BARX2: variants seen among roughly 807,000 people sequenced by gnomAD.
The protein encoded by BARX2 is BARX homeobox 2.
A neutral mutation model predicts 25.5 loss-of-function variants in BARX2; 11 were observed. That is an observed-to-expected ratio of 0.43 (90% CI 0.27 to 0.71). BARX2 has a LOEUF of 0.71. Among genes scored for constraint, BARX2 ranks in the 30% least tolerant of loss-of-function variants. The probability of loss-of-function intolerance (pLI) is 0.19; values close to 1 mark genes in which losing one functional copy is unlikely to be tolerated. For synonymous variants in BARX2, 137 were observed against 149.5 expected (o/e 0.92, Z 0.61); for missense variants, 360 against 359.9 (o/e 1.00, Z 0.00).
intron 3 of BARX2, among the ~76,000 whole-genome samples, chr11:129,447,956 G>A (rs1862351008): frequency 6.6e-6 from 1 of 152,200 alleles, no homozygotes; most frequent in Non-Finnish European, 1.5e-5. Context: ...TGACTTACGT[G>A]AAAAGAAATA....
At chr11:129,392,134 G>T (rs1338453157) in intron 1 of BARX2, among the ~76,000 whole-genome samples, 1 of 152,206 alleles carries the variant, frequency 6.6e-6, no homozygotes, top group Non-Finnish European at 1.5e-5. Context: ...GGAACTGCCA[G>T]ACCTCTCAGG....
chr11:129,390,096 T>G lies in BARX2; in HGVS notation c.187+13874T>G, dbSNP rs952668322. On this transcript the variant is annotated intron_variant, in intron 1 of 3. Coordinates refer to ENST00000281437, the MANE Select transcript of BARX2 (RefSeq NM_003658.5). The surrounding 1 kb of genome is among the most constrained non-coding windows in gnomAD (Gnocchi z 4.3). ...TCTGCTGGTGAAATACTTTAATTGA[T>G]GAATCCCCTCCACGGTGTGAGAAGA... 2.0e-5 allele frequency among the ~76,000 whole-genome samples: 3 copies of G among 152,218 alleles called. No individual in the cohort carries two copies. The highest frequency in any genetic ancestry group is 7.2e-5 in the African/African-American group (3 of 41,466).
At chr11:129,419,962 G>A (rs1861986001) in intron 1 of BARX2, among the ~76,000 whole-genome samples, 1 of 151,922 alleles carries the variant, frequency 6.6e-6, no homozygotes, top group African/African-American at 2.4e-5. Context: ...TGCATTTTTA[G>A]TAGAAATGAG....
intron 1 of BARX2, among the ~76,000 whole-genome samples, chr11:129,422,503 C>T (rs1280986810): frequency 3.9e-5 from 6 of 151,920 alleles, no homozygotes; most frequent in African/African-American, 9.7e-5. Context: ...CTCACTATGT[C>T]GCCTAGGTTG....
chr11:129,436,678 G>A lies in BARX2; in HGVS notation c.188-73G>A, dbSNP rs773060099. ...CCCTGTCAGACAGACCTCAGCCAGC[G>A]GCCCTCCGCAGGTCCTGGCCTGCTT... On this transcript the variant is annotated intron_variant, in intron 1 of 3. Transcript: ENST00000281437. The surrounding 1 kb of genome is among the most constrained non-coding windows in gnomAD (Gnocchi z 4.5). The A allele has an allele frequency of 3.1e-4, 450 of 1,471,444 alleles. 3 individuals are homozygous for A. The highest frequency in any genetic ancestry group is 2.3e-4 in the South Asian group (17 of 72,756). The allele number at this position is 1,471,444 out of a possible 1,614,324, so 91.1% of individuals were successfully genotyped here.
intron 1 of BARX2, among the ~76,000 whole-genome samples, chr11:129,403,559 C>T (rs776450765): frequency 2.0e-5 from 3 of 152,110 alleles, no homozygotes; most frequent in African/African-American, 7.2e-5. Flanking sequence ...GTCCATTTTA[C>T]GTTTGCCATA....
At chr11:129,428,290 C>T (rs1298531281) in intron 1 of BARX2, among the ~76,000 whole-genome samples, 2 of 152,078 alleles carry the variant, frequency 1.3e-5, no homozygotes, top group Non-Finnish European at 2.9e-5. Context: ...GGCAGCTGTC[C>T]CCAGTCAACG....
chr11:129,430,099 T>C (rs1489446464), intron 1 of BARX2, among the ~76,000 whole-genome samples: 1 of 152,178 alleles, frequency 6.6e-6, no homozygotes, highest in African/African-American at 2.4e-5. Context: ...CCCAGTTGGC[T>C]GCTTTTCTGG....
At chr11:129,387,677 G>T (rs993541412) in intron 1 of BARX2, among the ~76,000 whole-genome samples, 4 of 152,172 alleles carry the variant, frequency 2.6e-5, no homozygotes, top group African/African-American at 9.7e-5. Context: ...TCAATCATCA[G>T]TTCAGAGCAA....
chr11:129,451,613 C>G lies in BARX2; in HGVS notation c.*211C>G. 1.6e-6 allele frequency: 1 copy of G among 619,416 alleles called. No homozygotes were observed. The highest frequency in any genetic ancestry group is 2.7e-6 in the Non-Finnish European group (1 of 366,320). The allele number at this position is 619,416 out of a possible 1,614,324, so 38.4% of individuals were successfully genotyped here. A position where few individuals can be genotyped will look rare whatever the true frequency, so the allele number is the denominator to read the frequency against. On this transcript the variant is annotated 3_prime_UTR_variant, in exon 4 of 4. Coordinates refer to ENST00000281437, the MANE Select transcript of BARX2 (RefSeq NM_003658.5). ...CTTGGGCCTGTCACCTCCTGAAAGG[C>G]TGCTTTAGCTGTGGATGCCCTTGAT... is the stretch of plus-strand genomic sequence containing the variant.
chr11:129,431,389 C>T (rs12577139), intron 1 of BARX2, among the ~76,000 whole-genome samples: 18,128 of 152,082 alleles, frequency 0.12, 1,120 homozygotes, highest in East Asian at 0.16. Context: ...CCAAAGAGGC[C>T]GTACCAGTTT....
chr11:129,381,000 C>A (rs566761347), intron 1 of BARX2, among the ~76,000 whole-genome samples: 11 of 152,260 alleles, frequency 7.2e-5, no homozygotes, highest in African/African-American at 2.6e-4. Context: ...TGGTCTCGAA[C>A]TCCTAATCTC....
intron 1 of BARX2, among the ~76,000 whole-genome samples, chr11:129,415,882 G>A (rs56387476): frequency 0.089 from 13,493 of 152,220 alleles, 1,612 homozygotes; most frequent in African/African-American, 0.26. Context: ...AGTCCCACCA[G>A]TTTTCCTCTG....
At chr11:129,392,598 T>A (rs931958627) in intron 1 of BARX2, among the ~76,000 whole-genome samples, 12 of 152,100 alleles carry the variant, frequency 7.9e-5, no homozygotes, top group African/African-American at 2.9e-4. Context: ...CTTATATGAA[T>A]TAACTTTTTT....
At chr11:129,416,580 G>T (rs570201872) in intron 1 of BARX2, among the ~76,000 whole-genome samples, 1 of 152,224 alleles carries the variant, frequency 6.6e-6, no homozygotes, top group African/African-American at 2.4e-5. Flanking sequence ...AAAATGCTTG[G>T]AGTTTGTTGA....
chr11:129,451,355 C>T lies in BARX2; in HGVS notation c.793C>T (p.Pro265Ser). ...PLEMAEPPDP[P>S]QELPIPSSEP... ...AGAGATGGCAGAGCCACCAGACCCG[C>T]CCCAGGAGTTGCCAATACCCTCTTC... is the stretch of plus-strand genomic sequence containing the variant. The change falls in exon 4 of 4, where the codon CCC becomes TCC. Residue 265 changes from proline (P) to serine (S), a missense_variant. Physicochemically the swap from Pro to Ser is moderately conservative, Grantham distance 74. This residue lies in a region of BARX2 where 114 missense variants were observed against 109.4 expected (regional missense o/e 1.04). Transcript: ENST00000281437. The T allele has an allele frequency of 6.2e-7, 1 of 1,614,056 alleles. No homozygotes were observed. The highest frequency in any genetic ancestry group is 8.5e-7 in the Non-Finnish European group (1 of 1,180,024).
At chr11:129,447,371 G>A (rs1357786919) in intron 3 of BARX2, among the ~76,000 whole-genome samples, 3 of 152,198 alleles carry the variant, frequency 2.0e-5, no homozygotes, top group Non-Finnish European at 4.4e-5. Context: ...GTGTTCTTCC[G>A]AGAGGCAGAA....
At chr11:129,399,331 C>T (rs1861753092) in intron 1 of BARX2, among the ~76,000 whole-genome samples, 1 of 152,176 alleles carries the variant, frequency 6.6e-6, no homozygotes, top group Non-Finnish European at 1.5e-5. Context: ...TTTAGGTTGG[C>T]TGCTGCTTTC....
chr11:129,395,683 T>C (rs1861712579), intron 1 of BARX2, among the ~76,000 whole-genome samples: 1 of 152,146 alleles, frequency 6.6e-6, no homozygotes, highest in African/African-American at 2.4e-5. Context: ...GCTGGTCAGC[T>C]CTGCATTTGC....
Sources: gnomAD v4.1 joint callset for allele counts (sites outside exome capture counted in the v4.1 genomes callset) on GRCh38, gnomAD v4.1.1 for gene constraint, gnomAD v4.1.1 regional missense constraint, Gnocchi (gnomAD v3.1) non-coding constraint, MANE v1.5 for transcripts, NCBI Gene and HGNC (gene_info 2026-07-23, HGNC 2026-07-21) for gene names.